The following MACF1 variants were observed in gnomAD, a reference collection of about 807,000 sequenced individuals.
The protein encoded by MACF1 is microtubule actin crosslinking factor 1.
Under a neutral mutation model 854.8 loss-of-function variants are expected in MACF1, and 193 were observed. The observed-to-expected ratio is 0.23, with a 90% confidence interval of 0.20 to 0.25. The LOEUF (loss-of-function observed/expected upper bound fraction) is 0.25. MACF1 is among the 10% of genes least tolerant of loss of function. The probability of loss-of-function intolerance (pLI) is 1.00; values close to 1 mark genes in which losing one functional copy is unlikely to be tolerated. For synonymous variants in MACF1, 3,185 were observed against 3,226.7 expected, an observed-to-expected ratio of 0.99 and a Z score of 0.44; for missense variants, 7,722 against 8,929.1, an observed-to-expected ratio of 0.86 and a Z score of 5.45.
intron 58 of MACF1, 95 bp downstream of exon 58, chr1:39,388,753 A>T: frequency 8.4e-7 from 1 of 1,190,148 alleles, no homozygotes; most frequent in Non-Finnish European, 1.1e-6. Context: ...TTCTGTCCCT[A>T]GTTTTATTAT....
intron 88 of MACF1, among the ~76,000 whole-genome samples, 185 bp from the exon 89 acceptor site, chr1:39,454,724 C>T (rs1034560894): frequency 3.3e-5 from 5 of 151,948 alleles, no homozygotes; most frequent in Admixed American, 1.3e-4. Context: ...CACTTGAACC[C>T]GGGAGGCAGA....
chr1:39,107,816 C>G (rs1195505113), intron 2 of MACF1, among the ~76,000 whole-genome samples: 2 of 152,176 alleles, frequency 1.3e-5, no homozygotes, highest in African/African-American at 4.8e-5. Flanking sequence ...CACCACATTA[C>G]TTGGATCTCT....
chr1:39,327,175 GT>G lies in MACF1; in HGVS notation c.4479-34del, dbSNP rs549218108. On this transcript the variant is annotated intron_variant, in intron 35 of 100. Transcript: ENST00000564288. ...AGCAATAGAGCAGAGTTTGGAGATTGTTTTTTTTTCTCCTAAAAAAGCTTTA... is the reference window on the plus strand; with the variant it reads ...AGCAATAGAGCAGAGTTTGGAGATTGTTTTTTTTCTCCTAAAAAAGCTTTA... 9,692 of 1,475,232 alleles carry G rather than the reference GT, an allele frequency of 6.6e-3. 31 individuals carry two copies. The highest frequency in any genetic ancestry group is 8.1e-3 in the Non-Finnish European group (8,787 of 1,086,364). The allele number at this position is 1,475,232 out of a possible 1,614,324, so 91.4% of individuals were successfully genotyped here. A position where few individuals can be genotyped will look rare whatever the true frequency, so the allele number is the denominator to read the frequency against.
chr1:39,386,186 A>C (rs185052598), intron 57 of MACF1, among the ~76,000 whole-genome samples: 23 of 152,058 alleles, frequency 1.5e-4, no homozygotes, highest in Admixed American at 7.2e-4. Flanking sequence ...GCAAGTAGAG[A>C]TTCATCCCCA....
intron 6 of MACF1, chr1:39,269,747 C>A: frequency 7.9e-7 from 1 of 1,271,340 alleles, no homozygotes; most frequent in Non-Finnish European, 1.0e-6. Flanking sequence ...AAGAGATAAT[C>A]AAACTGCTGT....
At chr1:39,442,373 T>C in intron 76 of MACF1, 39 bp from the exon 77 acceptor site, 1 of 1,606,430 alleles carries the variant, frequency 6.2e-7, no homozygotes, top group Non-Finnish European at 8.5e-7. Context: ...CTTTTCTAAT[T>C]TCGTATTGAA....
chr1:39,161,718 T>C (rs981159128), intron 2 of MACF1, among the ~76,000 whole-genome samples: 2 of 151,302 alleles, frequency 1.3e-5, no homozygotes, highest in Non-Finnish European at 2.9e-5. Context: ...TACAAAAAAA[T>C]TAGCCAGGCG....
chr1:39,454,924 A>G lies in MACF1; in HGVS notation c.20902A>G (p.Lys6968Glu). The G allele has an allele frequency of 6.2e-7, 1 of 1,614,132 alleles. No individual in the cohort carries two copies. Among genetic ancestry groups the G allele is most frequent in the Middle Eastern group, 1.7e-4 (1 of 6,060 alleles). ...ARFEEVLTWA[K>E]QHQQRLETAL... is the part of the protein sequence containing the mutation. Reference sequence around the variant, plus strand: ...TTTTCCACAGGTCCTGACATGGGCTAAGCAGCACCAGCAGCGTCTTGAAAC... The same window carrying G: ...TTTTCCACAGGTCCTGACATGGGCTGAGCAGCACCAGCAGCGTCTTGAAAC... The change falls in exon 89 of 101, where the codon AAG (lysine) becomes GAG (glutamate). Residue 6968 changes from lysine to glutamate, a missense_variant. Physicochemically the swap from Lys to Glu is moderately conservative, Grantham distance 56. This residue lies in a region of MACF1 where 729 missense variants were observed against 900.5 expected (regional missense o/e 0.81). Coordinates refer to ENST00000564288, the MANE Select transcript of MACF1 (RefSeq NM_001394062.1).
At chr1:39,120,170 C>T (rs949403376) in intron 2 of MACF1, among the ~76,000 whole-genome samples, 7 of 151,974 alleles carry the variant, frequency 4.6e-5, no homozygotes, top group Admixed American at 4.6e-4. Flanking sequence ...AGGCGTGAGC[C>T]ACCGCACCTG....
chr1:39,247,777 A>G (rs1571219821), intron 2 of MACF1, among the ~76,000 whole-genome samples: 1 of 152,228 alleles, frequency 6.6e-6, no homozygotes, highest in African/African-American at 2.4e-5. Flanking sequence ...TCACGCCTGT[A>G]ATCCCAGCAC....
chr1:39,333,151 G>T lies in MACF1; in HGVS notation c.6563G>T (p.Gly2188Val). The T allele has an allele frequency of 6.2e-7, 1 of 1,613,960 alleles. No individual in the cohort carries two copies. Among genetic ancestry groups the T allele is most frequent in the Non-Finnish European group, 8.5e-7 (1 of 1,180,030 alleles). ...ACTGAATATATTCATGATGAAACTGGAGGATCTCACATAAAACCCCAAAGC... is the reference window on the plus strand; with the variant it reads ...ACTGAATATATTCATGATGAAACTGTAGGATCTCACATAAAACCCCAAAGC... ...LETEYIHDET[G>V]GSHIKPQSKK... is the part of the protein sequence containing the mutation. Residue 2188 changes from glycine to valine, a missense_variant, in exon 37 of 101, where the codon GGA (glycine) becomes GTA (valine). Coordinates refer to ENST00000564288, the MANE Select transcript of MACF1 (RefSeq NM_001394062.1).
At chr1:39,424,586 T>C (rs1643663198) in intron 61 of MACF1, among the ~76,000 whole-genome samples, 1 of 152,260 alleles carries the variant, frequency 6.6e-6, no homozygotes, top group Non-Finnish European at 1.5e-5. Context: ...ATATTTCTTT[T>C]CTATTAGCTT....
At chr1:39,187,848 TTC>T (rs1310466849) in intron 2 of MACF1, among the ~76,000 whole-genome samples, 1 of 40,310 alleles carries the variant, frequency 2.5e-5, no homozygotes, top group Non-Finnish European at 6.8e-5. Context: ...GAGGCTGTCT[TTC>T]TCTCTCTCTC....
Position 39,451,225 on chromosome 1 carries a change from C to A in MACF1, c.20418+14C>A. The stretch of plus-strand genomic sequence containing the variant: ...GATGCACACAAGGTAGGGGTGAGGT[C>A]TGGGCTACATTGGAGTGCAGTGGGT... On this transcript the variant is annotated intron_variant, in intron 85 of 100. Coordinates refer to ENST00000564288, the MANE Select transcript of MACF1 (RefSeq NM_001394062.1). The A allele has an allele frequency of 1.2e-6, 2 of 1,611,678 alleles. No homozygotes were observed. The highest frequency in any genetic ancestry group is 2.2e-5 in the South Asian group (2 of 90,640).
intron 2 of MACF1, among the ~76,000 whole-genome samples, chr1:39,158,662 G>T (rs1449552272): frequency 6.6e-6 from 1 of 152,204 alleles, no homozygotes; most frequent in Non-Finnish European, 1.5e-5. Context: ...CTAGAGAGAA[G>T]GTGGCAGATG....
intron 22 of MACF1, 99 bp from the exon 23 acceptor site, chr1:39,302,825 T>G (rs1388266383): frequency 1.5e-5 from 18 of 1,206,216 alleles, no homozygotes; most frequent in Non-Finnish European, 2.0e-5. Context: ...CTTAAGCAGA[T>G]TTTTTTCTTA....
chr1:39,353,410 A>G (rs2148505333), intron 44 of MACF1, among the ~76,000 whole-genome samples, 179 bp downstream of exon 44: 1 of 152,284 alleles, frequency 6.6e-6, no homozygotes, highest in Middle Eastern at 3.4e-3. Flanking sequence ...CTTGGTTTCC[A>G]TAATACTACT....
At chr1:39,383,770 G>A (rs925538295) in intron 56 of MACF1, among the ~76,000 whole-genome samples, 3 of 151,946 alleles carry the variant, frequency 2.0e-5, no homozygotes, top group Non-Finnish European at 2.9e-5. Flanking sequence ...CCAGCTGCTC[G>A]GGAGGCTGAG....
At chr1:39,204,044 C>G (rs760833077), upstream of MACF1, among the ~76,000 whole-genome samples, 7 of 152,076 alleles carry the variant, frequency 4.6e-5, no homozygotes, top group Non-Finnish European at 8.8e-5. Flanking sequence ...GAGGCAGAGG[C>G]GGGAGGATTG....
Sources: allele counts gnomAD v4.1 joint callset (sites outside exome capture counted in the v4.1 genomes callset), GRCh38; gene constraint gnomAD v4.1.1; regional missense constraint gnomAD v4.1.1; transcripts MANE v1.5; gene names NCBI Gene and HGNC (gene_info 2026-07-23, HGNC 2026-07-21).